Variants in MLPH observed in about 807,000 individuals in gnomAD.
MLPH encodes melanophilin, also known as exophilin-3.
MLPH carries 51 observed loss-of-function variants against 72.1 expected under a neutral mutation model. That is an observed-to-expected ratio of 0.71 (90% CI 0.56 to 0.89). MLPH has a LOEUF of 0.89. MLPH is among the 40% of genes least tolerant of loss of function. The probability of loss-of-function intolerance (pLI) is 0.00; values close to 1 mark genes in which losing one functional copy is unlikely to be tolerated. For missense variants in MLPH, 743 were observed against 759.9 expected, an observed-to-expected ratio of 0.98 and a Z score of 0.26; for synonymous variants, 301 against 310.1, an observed-to-expected ratio of 0.97 and a Z score of 0.31.
chr2:237,499,404 T>C (rs1419113634), intron 2 of MLPH, among the ~76,000 whole-genome samples: 1 of 152,158 alleles, frequency 6.6e-6, no homozygotes, highest in Non-Finnish European at 1.5e-5. Context: ...GATGGCCACA[T>C]GTGGTTAGTG....
chr2:237,542,996 A>G (rs2080750909), intron 12 of MLPH, among the ~76,000 whole-genome samples: 1 of 33,534 alleles, frequency 3.0e-5, no homozygotes, highest in Admixed American at 3.7e-4. Flanking sequence ...GAGTGGGGGC[A>G]CAGTGGTGAG....
intron 14 of MLPH, among the ~76,000 whole-genome samples, chr2:237,550,066 T>G (rs1196859337): frequency 6.6e-6 from 1 of 152,226 alleles, no homozygotes; most frequent in East Asian, 1.9e-4. Context: ...CGCCCAAGGA[T>G]GCACTTCCTT....
intron 2 of MLPH, among the ~76,000 whole-genome samples, chr2:237,504,919 C>T (rs1332230694): frequency 6.6e-6 from 1 of 151,884 alleles, no homozygotes; most frequent in African/African-American, 2.4e-5. Context: ...CCCATCTGCT[C>T]CCCCTCGTGA....
At chr2:237,525,242 C>G (rs939430651) in intron 6 of MLPH, among the ~76,000 whole-genome samples, 5 of 152,204 alleles carry the variant, frequency 3.3e-5, no homozygotes, top group Admixed American at 2.0e-4. Flanking sequence ...AAAATATTAA[C>G]TTCCCTGCCC....
intron 9 of MLPH, chr2:237,537,490 C>T (rs1209383570): frequency 1.3e-5 from 2 of 152,190 alleles, no homozygotes; most frequent in African/African-American, 4.8e-5. Context: ...GGCCCAATGG[C>T]GTTTACAGGC....
intron 13 of MLPH, 143 bp downstream of exon 13, chr2:237,546,826 CA>C: frequency 2.6e-6 from 2 of 755,184 alleles, no homozygotes; most frequent in Non-Finnish European, 4.8e-6. Context: ...ACAGCTGCCA[CA>C]ACACCGTGGC....
At chr2:237,539,263 C>T (rs143219979) in intron 9 of MLPH, among the ~76,000 whole-genome samples, 69 of 152,240 alleles carry the variant, frequency 4.5e-4, no homozygotes, top group African/African-American at 1.5e-3. Context: ...TGGGAGAAGG[C>T]GGTGGTCGAA....
intron 4 of MLPH, among the ~76,000 whole-genome samples, chr2:237,513,045 TACA>T (rs1210688581): frequency 6.9e-6 from 1 of 145,680 alleles, no homozygotes; most frequent in African/African-American, 2.6e-5. Flanking sequence ...CACCTGTAAC[TACA>T]ACATTAAAAC....
chr2:237,548,673 T>C (rs1005291148), intron 13 of MLPH, among the ~76,000 whole-genome samples: 4 of 151,936 alleles, frequency 2.6e-5, no homozygotes, highest in Admixed American at 6.6e-5. Context: ...TCGAGACCAT[T>C]CTGGCTAACA....
chr2:237,525,474 G>C, intron 6 of MLPH, 127 bp from the exon 7 acceptor site: 1 of 850,296 alleles, frequency 1.2e-6, no homozygotes, highest in Non-Finnish European at 2.0e-6. Context: ...CAGCGCAGAT[G>C]GGTGCCTAGT....
intron 15 of MLPH, among the ~76,000 whole-genome samples, 184 bp from the exon 16 acceptor site, chr2:237,553,382 C>A (rs1304927710): frequency 6.6e-6 from 1 of 152,174 alleles, no homozygotes; most frequent in Non-Finnish European, 1.5e-5. Context: ...AGGTTCCCTG[C>A]CTCCAGACCC....
At chr2:237,504,277 C>T (rs1482431776) in intron 2 of MLPH, among the ~76,000 whole-genome samples, 7 of 152,204 alleles carry the variant, frequency 4.6e-5, no homozygotes, top group Middle Eastern at 3.4e-3. Context: ...AGTGCAGTGG[C>T]GCAATCTCAG....
chr2:237,516,845 A>T (rs1272555593), intron 4 of MLPH, among the ~76,000 whole-genome samples: 1 of 146,858 alleles, frequency 6.8e-6, no homozygotes, highest in Non-Finnish European at 1.5e-5. Flanking sequence ...GGATGGATGG[A>T]TGGATGGATG....
rs750213633 is a variant in MLPH at position 237,548,735 on chromosome 2, C to T, written c.1618-486C>T. On this transcript the variant is annotated intron_variant, in intron 13 of 15. Transcript: ENST00000264605. ...TACAGAAAAACAAAATTAAATTAGC[C>T]GGGCGTGGTGGCGGGCGCCTGTAGG... Among the ~76,000 whole-genome samples the T allele has an allele frequency of 2.0e-5, 3 of 152,306 alleles. No individual in the cohort carries two copies. In the South Asian group the frequency reaches 6.2e-4, roughly 32 times the overall value.
Position 237,527,762 on chromosome 2 carries a change from A to G in MLPH, c.1020+246A>G, listed in dbSNP as rs550039947. 286 of 551,222 alleles carry G rather than the reference A, an allele frequency of 5.2e-4. 2 individuals are homozygous for G. In the South Asian group the frequency reaches 5.6e-3, roughly 11 times the overall value. The allele number at this position is 551,222 out of a possible 1,614,324, so 34.1% of individuals were successfully genotyped here. A position where few individuals can be genotyped will look rare whatever the true frequency, so the allele number is the denominator to read the frequency against. On this transcript the variant is annotated intron_variant, in intron 8 of 15. Coordinates refer to ENST00000264605, the MANE Select transcript of MLPH (RefSeq NM_024101.7). ...AAAAATCGAGTTTCCATAGGATCCA[A>G]CAATTCCACTTCTTGGTATACACCC...
At chr2:237,549,656 C>G (rs192190497) in intron 14 of MLPH, among the ~76,000 whole-genome samples, 1 of 152,132 alleles carries the variant, frequency 6.6e-6, no homozygotes, top group Non-Finnish European at 1.5e-5. Flanking sequence ...TTGTCCTGGA[C>G]GAACGGGATG....
chr2:237,530,399 A>G (rs2080396148), intron 8 of MLPH, among the ~76,000 whole-genome samples: 1 of 152,242 alleles, frequency 6.6e-6, no homozygotes, highest in Non-Finnish European at 1.5e-5. Flanking sequence ...CTGAATTTCA[A>G]AAAGAGACTT....
At position 237,553,803 on chromosome 2, in the gene MLPH, T is replaced by A. The variant is rs917267994; in HGVS notation, c.*211T>A. On this transcript the variant is annotated 3_prime_UTR_variant, in exon 16 of 16. Coordinates refer to ENST00000264605, the MANE Select transcript of MLPH (RefSeq NM_024101.7). ...CCTGGGTTTACTGATGACTCCTGGC[T>A]GCCCCACCATCCTCTCTGATCTGTG... The A allele has an allele frequency of 9.5e-6, 7 of 736,666 alleles. No homozygotes were observed. The South Asian group carries it at 1.0e-4, about 11-fold the overall frequency. The allele number at this position is 736,666 out of a possible 1,614,324, so 45.6% of individuals were successfully genotyped here. A position where few individuals can be genotyped will look rare whatever the true frequency, so the allele number is the denominator to read the frequency against.
chr2:237,506,605 G>A (rs1175415588), intron 2 of MLPH, among the ~76,000 whole-genome samples: 2 of 152,174 alleles, frequency 1.3e-5, no homozygotes, highest in Non-Finnish European at 2.9e-5. Context: ...TAATTAGAAT[G>A]GAACAGAACA....
Sources: allele counts gnomAD v4.1 joint callset (sites outside exome capture counted in the v4.1 genomes callset), GRCh38; gene constraint gnomAD v4.1.1; transcripts MANE v1.5; gene names NCBI Gene and HGNC (gene_info 2026-07-23, HGNC 2026-07-21).